AMPD3: variants seen among roughly 807,000 people sequenced by gnomAD.
The protein encoded by AMPD3 is adenosine monophosphate deaminase 3.
Under a neutral mutation model 82.3 loss-of-function variants are expected in AMPD3, and 57 were observed. That is an observed-to-expected ratio of 0.69 (90% CI 0.56 to 0.86). AMPD3 has a LOEUF of 0.86. Ranked by LOEUF, AMPD3 falls within the 40% of genes least tolerant of loss-of-function variation. AMPD3 has a pLI of 0.00. For synonymous variants in AMPD3, 381 were observed against 394.7 expected, an observed-to-expected ratio of 0.97 and a Z score of 0.41; for missense variants, 870 against 1,003.8, an observed-to-expected ratio of 0.87 and a Z score of 1.80.
Position 10,456,508 on chromosome 11 carries a change from T to C in AMPD3, c.-6+1060T>C. 2.5e-6 allele frequency: 4 copies of C among 1,610,594 alleles called. No individual in the cohort carries two copies. The Admixed American group carries it at 5.1e-5, about 20-fold the overall frequency. On this transcript the variant is annotated intron_variant, in intron 1 of 14. Transcript: ENST00000396553. The surrounding 1 kb of genome is among the most constrained non-coding windows in gnomAD (Gnocchi z 4.3). ...CACTGGGCTTCCTTTCTGGAGGGAC[T>C]GTGGCACCATGAAAAGTTACTGTTT...
In AMPD3 at chr11:10,496,826, C is replaced by T. The variant is rs144107914; in HGVS notation, c.1445C>T (p.Ser482Leu). 1,263 of 1,614,018 alleles carry T rather than the reference C, an allele frequency of 7.8e-4. 2 individuals are homozygous for T. Among genetic ancestry groups the T allele is most frequent in the Non-Finnish European group, 1.0e-3 (1,187 of 1,180,026 alleles). Residue 482 changes from serine to leucine, a missense_variant, in exon 10 of 15, where the codon TCA (serine) becomes TTA (leucine). Physicochemically the swap from Ser to Leu is moderately radical, Grantham distance 145 (BLOSUM62 -2). Coordinates refer to ENST00000396553, the MANE Select transcript of AMPD3 (RefSeq NM_001025389.2). ...CTGTCCCCCAGTGACATATTTAGGT[C>T]AAAGAAGCTGCTGCCAAACTTTGGG... is the stretch of plus-strand genomic sequence containing the variant. The part of the protein sequence containing the change: ...QVPRIYDIFR[S>L]KKLLPNFGKM...
At chr11:10,491,844 A>G (rs1437661185) in intron 6 of AMPD3, among the ~76,000 whole-genome samples, 3 of 152,222 alleles carry the variant, frequency 2.0e-5, no homozygotes, top group African/African-American at 7.2e-5. Flanking sequence ...CCTTTGGGTT[A>G]TCCAGATAGA....
chr11:10,456,184 A>G lies in AMPD3; in HGVS notation c.-6+736A>G. The G allele has an allele frequency of 7.1e-7, 1 of 1,413,278 alleles. No individual in the cohort carries two copies. The highest frequency in any genetic ancestry group is 9.2e-7 in the Non-Finnish European group (1 of 1,085,778). 87.5% of individuals were successfully genotyped at this position (1,413,278 alleles called of 1,614,324 possible). A position where few individuals can be genotyped will look rare whatever the true frequency, so the allele number is the denominator to read the frequency against. ...CTTGGAAATTTTCCACTCATATTTC[A>G]TATTCACGAGAGAATTTCCAGCCCA... On this transcript the variant is annotated intron_variant, in intron 1 of 14. Transcript: ENST00000396553. The surrounding 1 kb of genome is among the most constrained non-coding windows in gnomAD (Gnocchi z 4.3).
intron 1 of AMPD3, among the ~76,000 whole-genome samples, chr11:10,457,162 G>A (rs541959974): frequency 6.6e-6 from 1 of 150,440 alleles, no homozygotes; most frequent in African/African-American, 2.4e-5. Context: ...TCTATTTTTT[G>A]TAGAGATGAG....
At chr11:10,495,100 C>T (rs2133923715) in intron 8 of AMPD3, 70 bp downstream of exon 8, 1 of 1,612,566 alleles carries the variant, frequency 6.2e-7, no homozygotes, top group South Asian at 1.1e-5. Flanking sequence ...AGAGTGGGGG[C>T]CCTGTGTGCC....
chr11:10,499,840 T>C (rs1849525477), intron 10 of AMPD3: 1 of 985,304 alleles, frequency 1.0e-6, no homozygotes, highest in Admixed American at 6.1e-5. Flanking sequence ...ACACAGGGGC[T>C]TGGCACTCTC....
At chr11:10,473,444 A>G (rs1381411018) in intron 2 of AMPD3, 10 of 985,146 alleles carry the variant, frequency 1.0e-5, no homozygotes, top group African/African-American at 1.7e-5. Context: ...TGGAGATTAC[A>G]GTAGGCCAGG....
At chr11:10,493,701 A>T in intron 7 of AMPD3, 158 bp downstream of exon 7, 1 of 859,290 alleles carries the variant, frequency 1.2e-6, no homozygotes, top group Non-Finnish European at 1.9e-6. Flanking sequence ...AGAGAATAAC[A>T]GGTCTGGGGC....
chr11:10,488,720 A>T (rs1849154243), intron 6 of AMPD3, among the ~76,000 whole-genome samples: 1 of 151,926 alleles, frequency 6.6e-6, no homozygotes, highest in Non-Finnish European at 1.5e-5. Context: ...TGGAGGAGGG[A>T]TGGCTAAAGC....
chr11:10,471,686 A>G (rs1225371429), intron 2 of AMPD3, among the ~76,000 whole-genome samples: 2 of 152,270 alleles, frequency 1.3e-5, no homozygotes, highest in African/African-American at 2.4e-5. Flanking sequence ...GCCAACAAAC[A>G]TATGAAAAAA....
At chr11:10,494,426 G>A (rs575732002) in intron 7 of AMPD3, 1 of 397,008 alleles carries the variant, frequency 2.5e-6, no homozygotes, top group East Asian at 1.6e-4. Context: ...GCACAACAAT[G>A]TCAATGTACT....
chr11:10,464,415 G>C (rs1006129178), intron 2 of AMPD3, among the ~76,000 whole-genome samples: 1 of 152,226 alleles, frequency 6.6e-6, no homozygotes, highest in African/African-American at 2.4e-5. Context: ...GCAAGAACTA[G>C]AGCCCATATC....
intron 1 of AMPD3, chr11:10,461,206 G>A: frequency 7.9e-7 from 1 of 1,258,188 alleles, no homozygotes; most frequent in South Asian, 1.5e-5. Context: ...AAAGTCAGGA[G>A]GGCAGGGCTG....
At chr11:10,482,753 T>C (rs1158170514) in intron 4 of AMPD3, among the ~76,000 whole-genome samples, 1 of 152,212 alleles carries the variant, frequency 6.6e-6, no homozygotes, top group African/African-American at 2.4e-5. Flanking sequence ...CTTAAACTCC[T>C]GGGCTCAAGT....
chr11:10,450,592 G>T, upstream of AMPD3: 1 of 989,136 alleles, frequency 1.0e-6, no homozygotes, highest in Non-Finnish European at 1.2e-6. Context: ...AGCCCGGCTG[G>T]CATCTGCTCC....
intron 14 of AMPD3, 86 bp downstream of exon 14, chr11:10,504,745 T>A: frequency 8.0e-7 from 1 of 1,247,956 alleles, no homozygotes; most frequent in African/African-American, 1.5e-5. Context: ...TGGGGATCTG[T>A]GATGAACATA....
intron 2 of AMPD3, among the ~76,000 whole-genome samples, chr11:10,475,442 C>T (rs555134408): frequency 3.9e-5 from 6 of 152,278 alleles, no homozygotes; most frequent in East Asian, 1.9e-4. Flanking sequence ...TACGCCCACA[C>T]GCCCACTCAC....
In AMPD3 at chr11:10,496,861, G is replaced by T. The variant is rs147243781; in HGVS notation, c.1480G>T (p.Glu494Ter). ...KLLPNFGKML[E>*]NIFLPLFKAT... Reference sequence around the variant, plus strand: ...GCTGCCAAACTTTGGGAAGATGCTGGAGAACATCTTCCTGCCCCTTTTCAA... The same window carrying T: ...GCTGCCAAACTTTGGGAAGATGCTGTAGAACATCTTCCTGCCCCTTTTCAA... The change falls in exon 10 of 15, where the codon GAG (glutamate) becomes TAG (stop). Residue 494 changes from glutamate to a stop codon, truncating the protein, a stop_gained. Coordinates refer to ENST00000396553, the MANE Select transcript of AMPD3 (RefSeq NM_001025389.2). LOFTEE classifies it high-confidence loss of function. 2 of 1,614,036 alleles carry T rather than the reference G, an allele frequency of 1.2e-6. No individual in the cohort carries two copies. Among genetic ancestry groups the T allele is most frequent in the Non-Finnish European group, 1.7e-6 (2 of 1,179,910 alleles).
upstream of AMPD3, among the ~76,000 whole-genome samples, chr11:10,454,665 G>A (rs760247994): frequency 1.3e-5 from 2 of 152,128 alleles, no homozygotes; most frequent in South Asian, 2.1e-4. Context: ...GCTGGGATCC[G>A]GTTAAAGGTG....
Sources: allele counts gnomAD v4.1 joint callset (sites outside exome capture counted in the v4.1 genomes callset), GRCh38; gene constraint gnomAD v4.1.1; non-coding constraint Gnocchi (gnomAD v3.1); transcripts MANE v1.5; gene names NCBI Gene and HGNC (gene_info 2026-07-23, HGNC 2026-07-21).